Variants in PTPRS observed in about 807,000 individuals in gnomAD.
PTPRS encodes receptor-type tyrosine-protein phosphatase S.
In PTPRS, 63 loss-of-function variants were observed where a neutral mutation model predicts 215.3. That is an observed-to-expected ratio of 0.29 (90% CI 0.24 to 0.36). The LOEUF (loss-of-function observed/expected upper bound fraction) is 0.36. Among genes scored for constraint, PTPRS ranks in the 10% least tolerant of loss-of-function variants. PTPRS has a pLI of 1.00. For missense variants in PTPRS, 2,258 were observed against 2,825.8 expected (o/e 0.80, Z 4.56); for synonymous variants, 1,404 against 1,191.4 (o/e 1.18, Z -3.68).
At chr19:5,208,498 T>C in intron 35 of PTPRS, 107 bp from the exon 36 acceptor site, 1 of 1,189,302 alleles carries the variant, frequency 8.4e-7, no homozygotes, top group Non-Finnish European at 1.1e-6. Flanking sequence ...TGTTTGTTTT[T>C]GAGATGGAGT....
At chr19:5,258,217 G>T in intron 7 of PTPRS, 90 bp from the exon 8 acceptor site, 7 of 1,105,680 alleles carry the variant, frequency 6.3e-6, no homozygotes, top group Non-Finnish European at 4.1e-6. Flanking sequence ...TCTCTGGCCT[G>T]TCTCCTGTGC....
In PTPRS at chr19:5,304,332, T is replaced by C. The variant is rs1054014733; in HGVS notation, c.-94-18098A>G. On this transcript the variant is annotated intron_variant, in intron 1 of 37. Coordinates refer to ENST00000262963, the MANE Select transcript of PTPRS (RefSeq NM_002850.4). ...AAAATAAGAAATAAAAAAATAAAAA[T>C]AGCCAGGCGTGGTGGCATATGCCTG... Among the ~76,000 whole-genome samples, 3 of 151,892 alleles carry C rather than the reference T, an allele frequency of 2.0e-5. No homozygotes were observed. In the East Asian group the frequency reaches 5.8e-4, roughly 29 times the overall value.
At chr19:5,271,399 T>A (rs1432291617) in intron 4 of PTPRS, among the ~76,000 whole-genome samples, 1 of 151,794 alleles carries the variant, frequency 6.6e-6, no homozygotes, top group Non-Finnish European at 1.5e-5. Flanking sequence ...CCGATTTTTT[T>A]TTTTTTTTTT....
At position 5,219,987 on chromosome 19, in the gene PTPRS, G is replaced by A. The variant is rs200786903; in HGVS notation, c.3717C>T (p.Gly1239=). 5 of 1,613,812 alleles carry A rather than the reference G, an allele frequency of 3.1e-6. No individual in the cohort carries two copies. In the African/African-American group the frequency reaches 5.3e-5, roughly 17 times the overall value. The change falls in exon 22 of 38, where the codon GGC becomes GGT. Residue 1239 remains glycine (G), a synonymous_variant. Transcript: ENST00000262963. ...CAAGCACGAAGAGGACATAGCGGTG[G>A]CCGGGCTCCAGGCCCCGGTTATCGA... ...GGFDNRGLEP[G]HRYVLFVLAV...
intron 1 of PTPRS, among the ~76,000 whole-genome samples, chr19:5,317,001 T>C (rs1449560644): frequency 6.6e-6 from 1 of 152,168 alleles, no homozygotes; most frequent in Non-Finnish European, 1.5e-5. Flanking sequence ...CCACGAAGGA[T>C]ACCAACTATA....
rs76016552 is a variant in PTPRS, at chr19:5,287,409, G to C, written c.-94-1175C>G. 7.1e-4 allele frequency among the ~76,000 whole-genome samples: 108 copies of C among 152,250 alleles called. 1 individual carries two copies. Among genetic ancestry groups the C allele is most frequent in the African/African-American group, 2.4e-3 (100 of 41,538 alleles). ...CCCACAAGAACCTCAACTCCTCCAG[G>C]GCAGAAGGGTCCCTCGTCACATACC... On this transcript the variant is annotated intron_variant, in intron 1 of 37. Coordinates refer to ENST00000262963, the MANE Select transcript of PTPRS (RefSeq NM_002850.4). This position sits in a 1 kb window ranked among gnomAD's most constrained non-coding sequence, Gnocchi z 4.8.
chr19:5,209,165 C>T (rs1264499726), intron 35 of PTPRS, among the ~76,000 whole-genome samples: 1 of 152,194 alleles, frequency 6.6e-6, no homozygotes, highest in Non-Finnish European at 1.5e-5. Context: ...TCATCCTTAA[C>T]CATTCAGTGA....
At position 5,244,795 on chromosome 19, in the gene PTPRS, G is replaced by A. The variant is rs570688771; in HGVS notation, c.989-313C>T. On this transcript the variant is annotated intron_variant, in intron 10 of 37. Coordinates refer to ENST00000262963, the MANE Select transcript of PTPRS (RefSeq NM_002850.4). The surrounding 1 kb of genome is among the most constrained non-coding windows in gnomAD (Gnocchi z 7.2). ...CACAATTCTCCTGCCTCAGCCTCCC[G>A]AGTAGCTGGGACGACAGGCGCCTGC... Among the ~76,000 whole-genome samples, 350 of 151,280 alleles carry A rather than the reference G, an allele frequency of 2.3e-3. 6 individuals are homozygous for A. Among genetic ancestry groups the A allele is most frequent in the Non-Finnish European group, 2.4e-3 (163 of 67,826 alleles).
chr19:5,340,170 G>T (rs1179811682), intron 1 of PTPRS, among the ~76,000 whole-genome samples: 2 of 151,320 alleles, frequency 1.3e-5, no homozygotes, highest in Admixed American at 1.3e-4. Flanking sequence ...CTCCGCTCCG[G>T]GGCGCCCGCA....
intron 2 of PTPRS, chr19:5,278,167 T>C: frequency 8.8e-6 from 1 of 113,898 alleles, no homozygotes; most frequent in South Asian, 1.7e-4. Context: ...TGTGTTTAAA[T>C]AAATGTAGAA....
At chr19:5,278,241 C>T in intron 2 of PTPRS, 1 of 392,506 alleles carries the variant, frequency 2.5e-6, no homozygotes, top group South Asian at 2.4e-5. Flanking sequence ...TTGTTTCAGA[C>T]AGGGACTCGC....
chr19:5,238,863 C>T, intron 13 of PTPRS, 56 bp downstream of exon 13: 1 of 1,501,110 alleles, frequency 6.7e-7, no homozygotes, highest in Non-Finnish European at 8.8e-7. Context: ...GAGGGGCTGT[C>T]TGCGGTCAGG....
At chr19:5,312,251 T>G (rs2049730805) in intron 1 of PTPRS, among the ~76,000 whole-genome samples, 1 of 152,018 alleles carries the variant, frequency 6.6e-6, no homozygotes, top group African/African-American at 2.4e-5. Context: ...GAAAAAGACA[T>G]CCCTGGCTGT....
chr19:5,245,540 G>C (rs1456404827), intron 10 of PTPRS, among the ~76,000 whole-genome samples: 1 of 152,086 alleles, frequency 6.6e-6, no homozygotes, highest in African/African-American at 2.4e-5. Flanking sequence ...CAAACCTCCT[G>C]CCTTGGCCTC....
intron 1 of PTPRS, among the ~76,000 whole-genome samples, chr19:5,320,334 A>G (rs991856995): frequency 1.3e-5 from 2 of 152,232 alleles, no homozygotes; most frequent in African/African-American, 2.4e-5. Context: ...GAAGCCAAAC[A>G]CACAGGCTGA....
In PTPRS at chr19:5,209,651, C is replaced by T. The variant is rs113845303; in HGVS notation, c.5487+818G>A. 5.2e-3 allele frequency among the ~76,000 whole-genome samples: 791 copies of T among 152,244 alleles called. 7 individuals are homozygous for T. The highest frequency in any genetic ancestry group is 0.031 in the Middle Eastern group (9 of 294). Reference sequence around the variant, plus strand: ...ACCCCCTGCTGGCCAAACATTTGCCCTTCTCCAATTCTGTCTTCCTCCATC... The same window carrying T: ...ACCCCCTGCTGGCCAAACATTTGCCTTTCTCCAATTCTGTCTTCCTCCATC... On this transcript the variant is annotated intron_variant, in intron 35 of 37. Transcript: ENST00000262963.
At chr19:5,305,265 G>A (rs2049442932) in intron 1 of PTPRS, among the ~76,000 whole-genome samples, 1 of 152,180 alleles carries the variant, frequency 6.6e-6, no homozygotes, top group Non-Finnish European at 1.5e-5. Flanking sequence ...GCTATTATTT[G>A]CCGAGCATGG....
At chr19:5,336,323 A>C (rs1053899840) in intron 1 of PTPRS, among the ~76,000 whole-genome samples, 1 of 150,824 alleles carries the variant, frequency 6.6e-6, no homozygotes, top group Non-Finnish European at 1.5e-5. Context: ...GGTTAGAGAG[A>C]CCCAGGTGTC....
At chr19:5,327,634 C>A (rs1483255950) in intron 1 of PTPRS, among the ~76,000 whole-genome samples, 1 of 152,134 alleles carries the variant, frequency 6.6e-6, no homozygotes, top group Non-Finnish European at 1.5e-5. Context: ...GACAGGGTCT[C>A]GCTCTGTTAC....
Sources: gnomAD v4.1 joint callset for allele counts (sites outside exome capture counted in the v4.1 genomes callset) on GRCh38, gnomAD v4.1.1 for gene constraint, Gnocchi (gnomAD v3.1) non-coding constraint, MANE v1.5 for transcripts, NCBI Gene and HGNC (gene_info 2026-07-23, HGNC 2026-07-21) for gene names.